The following MAGI2 variants were observed in gnomAD, a reference collection of about 807,000 sequenced individuals.
The protein encoded by MAGI2 is membrane associated guanylate kinase, WW and PDZ domain containing 2.
A neutral mutation model predicts 133.3 loss-of-function variants in MAGI2; 35 were observed. That is an observed-to-expected ratio of 0.26 (90% confidence interval 0.20 to 0.35). MAGI2 has a LOEUF of 0.35. Ranked by LOEUF, MAGI2 falls within the 10% of genes least tolerant of loss-of-function variation. The pLI, the probability that MAGI2 is intolerant of heterozygous loss-of-function variation, is 1.00. For synonymous variants in MAGI2, 729 were observed against 710.6 expected (o/e 1.03, Z -0.41); for missense variants, 1,636 against 1,863.4 (o/e 0.88, Z 2.25).
intron 21 of MAGI2, among the ~76,000 whole-genome samples, chr7:78,046,571 G>A (rs1811457338): frequency 6.6e-6 from 1 of 152,136 alleles, no homozygotes; most frequent in African/African-American, 2.4e-5. Flanking sequence ...AGATCCATTT[G>A]AGAATAAATA....
intron 9 of MAGI2, among the ~76,000 whole-genome samples, chr7:78,258,771 A>G (rs1793247035): frequency 6.6e-6 from 1 of 152,140 alleles, no homozygotes. Flanking sequence ...CCTCTAGTTG[A>G]TTAGTTTTCA....
rs56339427 is a variant in MAGI2 at position 78,674,548 on chromosome 7, A to T, written c.419-47309T>A. Among the ~76,000 whole-genome samples the T allele has an allele frequency of 6.0e-3, 914 of 152,220 alleles. 11 individuals are homozygous for T. The highest frequency in any genetic ancestry group is 0.021 in the African/African-American group (880 of 41,548). ...CTATTGGGCAAGTTATATAATGTGT[A>T]ATTTTTAATATTTTGTCTACCTCAT... On this transcript the variant is annotated intron_variant, in intron 2 of 21. Transcript: ENST00000354212.
rs1321457921 is a variant in MAGI2 at position 78,255,948 on chromosome 7, C to T, written c.2042G>A (p.Arg681Gln). ...IGSETSLIIH[R>Q]GGFFSPWKTP... is the part of the protein sequence containing the mutation. ...TGAGCCAGTGTTTGTCTTACCTCCT[C>T]GATGGATAATCAAAGAAGTTTCACT... The change falls in exon 10 of 22, where the codon CGA (arginine) becomes CAA (glutamine). Residue 681 changes from arginine (R) to glutamine (Q), a missense_variant. This residue lies in a region of MAGI2 where 920 missense variants were observed against 1,093.5 expected (regional missense o/e 0.84). Coordinates refer to ENST00000354212, the MANE Select transcript of MAGI2 (RefSeq NM_012301.4). The T allele has an allele frequency of 1.9e-6, 3 of 1,613,644 alleles. No homozygotes were observed. Among genetic ancestry groups the T allele is most frequent in the East Asian group, 2.2e-5 (1 of 44,742 alleles).
At chr7:79,379,265 T>C (rs1260776943) in intron 1 of MAGI2, among the ~76,000 whole-genome samples, 2 of 151,776 alleles carry the variant, frequency 1.3e-5, no homozygotes, top group Non-Finnish European at 1.5e-5. Flanking sequence ...TCCAGCTTCA[T>C]CCATGTCCCT....
At chr7:78,142,686 G>A (rs1457378027) in intron 16 of MAGI2, among the ~76,000 whole-genome samples, 2 of 152,082 alleles carry the variant, frequency 1.3e-5, no homozygotes, top group Non-Finnish European at 2.9e-5. Flanking sequence ...AGGGGTTCAT[G>A]TATTCTTTTG....
intron 1 of MAGI2, among the ~76,000 whole-genome samples, chr7:79,354,761 A>C (rs576718754): frequency 6.6e-6 from 1 of 152,194 alleles, no homozygotes; most frequent in East Asian, 1.9e-4. Flanking sequence ...GTAATATTAG[A>C]GGGTTTGTTT....
chr7:79,012,971 C>T (rs541362944), intron 1 of MAGI2, among the ~76,000 whole-genome samples: 3 of 152,158 alleles, frequency 2.0e-5, no homozygotes, highest in South Asian at 2.1e-4. Flanking sequence ...GAGGGTCTCA[C>T]CCTCATAATT....
intron 1 of MAGI2, among the ~76,000 whole-genome samples, chr7:79,081,049 G>A (rs990095530): frequency 4.6e-5 from 7 of 151,948 alleles, no homozygotes; most frequent in South Asian, 2.1e-4. Flanking sequence ...TCCTAAACCC[G>A]GCCGCACAGA....
At chr7:78,473,916 A>G (rs1297908021) in intron 6 of MAGI2, among the ~76,000 whole-genome samples, 2 of 152,172 alleles carry the variant, frequency 1.3e-5, no homozygotes, top group African/African-American at 4.8e-5. Context: ...TTCTCTGGTC[A>G]GATACCTATA....
At chr7:78,099,415 G>A (rs2099813345) in intron 20 of MAGI2, among the ~76,000 whole-genome samples, 1 of 151,990 alleles carries the variant, frequency 6.6e-6, no homozygotes, top group Admixed American at 6.6e-5. Flanking sequence ...GCCTATTCCA[G>A]CCTATTCAAA....
chr7:79,200,647 C>T (rs1828530546), intron 1 of MAGI2, among the ~76,000 whole-genome samples: 1 of 151,664 alleles, frequency 6.6e-6, no homozygotes, highest in African/African-American at 2.4e-5. Flanking sequence ...TGATATATCT[C>T]ATTTCACAAT....
intron 2 of MAGI2, among the ~76,000 whole-genome samples, chr7:78,848,448 C>A (rs186478766): frequency 1.3e-5 from 2 of 151,972 alleles, no homozygotes; most frequent in Non-Finnish European, 2.9e-5. Flanking sequence ...ATCCTTTGAG[C>A]CTTTCTCCAC....
chr7:79,239,354 T>C (rs997410515), intron 1 of MAGI2, among the ~76,000 whole-genome samples: 1 of 152,182 alleles, frequency 6.6e-6, no homozygotes, highest in African/African-American at 2.4e-5. Flanking sequence ...TTCACTATTA[T>C]AAAGATAGAT....
intron 1 of MAGI2, among the ~76,000 whole-genome samples, chr7:79,063,700 A>G (rs1365987284): frequency 6.6e-6 from 1 of 152,136 alleles, no homozygotes; most frequent in Non-Finnish European, 1.5e-5. Flanking sequence ...GGATATTACC[A>G]TACCTATTTT....
rs547567279 is a variant in MAGI2 at position 79,257,686 on chromosome 7, T to C, written c.301+195334A>G. ...TTGAAAGGATATGGCAAAGTTAAAGTACTGGGGACTGCTCTAAAACAAATT... is the reference window on the plus strand; with the variant it reads ...TTGAAAGGATATGGCAAAGTTAAAGCACTGGGGACTGCTCTAAAACAAATT... On this transcript the variant is annotated intron_variant, in intron 1 of 21. Coordinates refer to ENST00000354212, the MANE Select transcript of MAGI2 (RefSeq NM_012301.4). Among the ~76,000 whole-genome samples the C allele has an allele frequency of 3.3e-5, 5 of 152,320 alleles. 1 individual carries two copies. The highest frequency in any genetic ancestry group is 3.3e-4 in the Admixed American group (5 of 15,300).
chr7:78,586,294 C>T (rs1255509568), intron 3 of MAGI2, among the ~76,000 whole-genome samples: 1 of 152,246 alleles, frequency 6.6e-6, no homozygotes, highest in Non-Finnish European at 1.5e-5. Flanking sequence ...GCTAGCTTAG[C>T]TGTGATAACT....
intron 1 of MAGI2, among the ~76,000 whole-genome samples, chr7:79,186,371 A>G (rs1048560493): frequency 2.7e-5 from 4 of 149,544 alleles, no homozygotes; most frequent in Non-Finnish European, 5.9e-5. Flanking sequence ...CTGATAGTAG[A>G]TCTGAATTGT....
intron 9 of MAGI2, among the ~76,000 whole-genome samples, chr7:78,325,362 T>G (rs1788478816): frequency 6.6e-6 from 1 of 152,180 alleles, no homozygotes; most frequent in Non-Finnish European, 1.5e-5. Context: ...CTTTACAGCC[T>G]TGTTCACATA....
intron 4 of MAGI2, among the ~76,000 whole-genome samples, chr7:78,512,944 T>C (rs1180485991): frequency 1.3e-5 from 2 of 152,172 alleles, no homozygotes; most frequent in Non-Finnish European, 2.9e-5. Flanking sequence ...GAAATTATTT[T>C]AGATTAACAG....
Sources: allele counts gnomAD v4.1 joint callset (sites outside exome capture counted in the v4.1 genomes callset), GRCh38; gene constraint gnomAD v4.1.1; regional missense constraint gnomAD v4.1.1; transcripts MANE v1.5; gene names NCBI Gene and HGNC (gene_info 2026-07-23, HGNC 2026-07-21).